The following BAHCC1 variants were observed in gnomAD, a reference collection of about 807,000 sequenced individuals.
BAHCC1 encodes the protein BAH domain and coiled-coil containing 1, also known as BAH and coiled-coil domain-containing protein 1.
Under a neutral mutation model 88.2 loss-of-function variants are expected in BAHCC1, and 43 were observed. The ratio of observed to expected loss-of-function variants is 0.49; its 90% CI spans 0.38 to 0.63. The LOEUF is 0.63. BAHCC1 is among the 20% of genes least tolerant of loss of function. BAHCC1 has a pLI of 0.00. For missense variants in BAHCC1, 3,023 were observed against 1,654.8 expected (o/e 1.83, Z -14.34); for synonymous variants, 1,510 against 745.5 (o/e 2.03, Z -16.71).
rs2064316934 is a variant in BAHCC1 at position 81,435,027 on chromosome 17, T to G, written c.359-3343T>G. 6.6e-6 allele frequency among the ~76,000 whole-genome samples: 1 copy of G among 151,878 alleles called. No homozygotes were observed. Among genetic ancestry groups the G allele is most frequent in the Non-Finnish European group, 1.5e-5 (1 of 67,922 alleles). On this transcript the variant is annotated intron_variant, in intron 3 of 27. Transcript: ENST00000675386. The surrounding 1 kb of genome is among the most constrained non-coding windows in gnomAD (Gnocchi z 4.4). ...AGGAAAGGAAGGGTCCCCTCACCCC[T>G]GGCCGTCCCCAGCCCCCATTTCTCT...
In BAHCC1 at chr17:81,411,154, T is replaced by G. The variant is rs782808369; in HGVS notation, c.178+11237T>G. 1.9e-6 allele frequency: 1 copy of G among 518,874 alleles called. No homozygotes were observed. The highest frequency in any genetic ancestry group is 1.9e-5 in the African/African-American group (1 of 51,892). The allele number at this position is 518,874 out of a possible 1,614,324, so 32.1% of individuals were successfully genotyped here. ...AGTCCATTCATCACGTGCCTGCAGG[T>G]GCCTGTGTCCTGTCTCTGCCCCAGG... On this transcript the variant is annotated intron_variant, in intron 2 of 27. Transcript: ENST00000675386. This position sits in a 1 kb window ranked among gnomAD's most constrained non-coding sequence, Gnocchi z 6.2.
chr17:81,395,829 T>C (rs919860928), intron 1 of BAHCC1, 194 bp downstream of exon 1: 11 of 151,600 alleles, frequency 7.3e-5, no homozygotes, highest in African/African-American at 9.7e-5. Context: ...TTAAAAAATA[T>C]GGACTATGAG....
rs550401384 is a variant in BAHCC1, at chr17:81,460,693, C to G, written c.6189C>G (p.Ser2063Arg). ...AGACACCTGGGAAAAAATCCATTAG[C>G]AAAGACAAAGCTGGTATTTTACCGG... The part of the protein sequence containing the change: ...ALKTPGKKSI[S>R]KDKAGKAELL... The change falls in exon 25 of 28, where the codon AGC becomes AGG. Residue 2063 changes from serine (S) to arginine (R), a missense_variant. Ser to Arg is a moderately radical substitution (Grantham distance 110, BLOSUM62 -1). Coordinates refer to ENST00000675386, the MANE Select transcript of BAHCC1 (RefSeq NM_001377448.1). 3.2e-5 allele frequency: 25 copies of G among 773,306 alleles called. 1 individual carries two copies. The highest frequency in any genetic ancestry group is 1.9e-4 in the Admixed American group (11 of 57,792). The allele number at this position is 773,306 out of a possible 1,614,324, so 47.9% of individuals were successfully genotyped here.
intron 3 of BAHCC1, among the ~76,000 whole-genome samples, chr17:81,436,395 TGGAGGCCTGGACCTCTGGAGGGGGGACC>T (rs1301928120): frequency 5.9e-5 from 9 of 152,228 alleles, no homozygotes; most frequent in Admixed American, 4.6e-4. Context: ...GCGGATGGGC[TGGAGGCCTGGACCTCTGGAGGGGGGACC>T]GGGGCTCCGT....
At chr17:81,404,793 G>A (rs67602958) in intron 2 of BAHCC1, among the ~76,000 whole-genome samples, 40,242 of 152,014 alleles carry the variant, frequency 0.26, 6,539 homozygotes, top group Middle Eastern at 0.37. Context: ...AGGCTGAGGC[G>A]TGGCAGGTAG....
chr17:81,403,747 C>T lies in BAHCC1; in HGVS notation c.178+3830C>T, dbSNP rs548788746. ...TTACTTTCCGAAGACGTCACCCGTC[C>T]CGCTCCATAAGTGACAGAGTTAGAC... On this transcript the variant is annotated intron_variant, in intron 2 of 27. Transcript: ENST00000675386. 4.6e-5 allele frequency among the ~76,000 whole-genome samples: 7 copies of T among 152,206 alleles called. No individual in the cohort carries two copies. The East Asian group carries it at 5.8e-4, about 13-fold the overall frequency.
chr17:81,457,435 C>T lies in BAHCC1; in HGVS notation c.4884C>T (p.Cys1628=), dbSNP rs782607074. The T allele has an allele frequency of 1.6e-4, 120 of 771,800 alleles. 1 individual carries two copies. The highest frequency in any genetic ancestry group is 9.0e-4 in the Middle Eastern group (4 of 4,450). The allele number at this position is 771,800 out of a possible 1,614,324, so 47.8% of individuals were successfully genotyped here. ...EAGSGYDSED[C]EGLLGTEAPP... ...GCAGTGGCTATGACAGTGAGGACTG[C>T]GAGGGTCTCCTGGGGACAGAGGCAC... The change falls in exon 17 of 28, where the codon TGC becomes TGT. Residue 1628 remains cysteine (C), a synonymous_variant. Transcript: ENST00000675386.
Position 81,461,837 on chromosome 17 carries a change from C to T in BAHCC1, c.7174C>T (p.Leu2392=). ...TCACGCGCATGCCCAGCGCTGCTTC[C>T]TGTCCAGGGCCACGGTGGCTGGCAC... The part of the protein sequence containing the change: ...GPHAHAQRCF[L]SRATVAGTGA... The change falls in exon 26 of 28, where the codon CTG becomes TTG. Residue 2392 remains leucine (L), a synonymous_variant. Transcript: ENST00000675386. The T allele has an allele frequency of 1.4e-6, 1 of 719,538 alleles. No homozygotes were observed. Among genetic ancestry groups the T allele is most frequent in the Non-Finnish European group, 2.6e-6 (1 of 386,436 alleles). 44.6% of individuals were successfully genotyped at this position (719,538 alleles called of 1,614,324 possible).
Position 81,399,605 on chromosome 17 carries a change from C to A in BAHCC1, c.-135C>A. The A allele has an allele frequency of 1.8e-6, 1 of 547,684 alleles. No individual in the cohort carries two copies. Among genetic ancestry groups the A allele is most frequent in the Non-Finnish European group, 2.8e-6 (1 of 358,168 alleles). The allele number at this position is 547,684 out of a possible 1,614,324, so 33.9% of individuals were successfully genotyped here. A position where few individuals can be genotyped will look rare whatever the true frequency, so the allele number is the denominator to read the frequency against. On this transcript the variant is annotated 5_prime_UTR_variant, in exon 2 of 28. In the 5' UTR this introduces an upstream ATG that the reference lacks. Coordinates refer to ENST00000675386, the MANE Select transcript of BAHCC1 (RefSeq NM_001377448.1). This position sits in a 1 kb window ranked among gnomAD's most constrained non-coding sequence, Gnocchi z 4.5. ...CCGAGAAGCCCAGTCCTCCCGCGTG[C>A]TGACCGGCCCCGCCGCCACCACCGC... is the stretch of plus-strand genomic sequence containing the variant.
rs375196947 is a variant in BAHCC1 at position 81,459,543 on chromosome 17, G to A, written c.5844G>A (p.Thr1948=). The A allele has an allele frequency of 7.4e-5, 58 of 779,662 alleles. No individual in the cohort carries two copies. The highest frequency in any genetic ancestry group is 4.1e-4 in the African/African-American group (24 of 59,254). The allele number at this position is 779,662 out of a possible 1,614,324, so 48.3% of individuals were successfully genotyped here. Residue 1948 remains threonine (T), a synonymous_variant, in exon 23 of 28, where the codon ACG becomes ACA. Coordinates refer to ENST00000675386, the MANE Select transcript of BAHCC1 (RefSeq NM_001377448.1). ...PQSSRYLPPG[T]RVCAYWSQKS... is the part of the protein sequence containing the mutation. ...CCAGCCGGTACCTCCCGCCCGGCAC[G>A]CGGGTCTGCGCCTACTGGAGTCAGA...
At chr17:81,419,824 C>T (rs1451153833) in intron 2 of BAHCC1, among the ~76,000 whole-genome samples, 2 of 144,528 alleles carry the variant, frequency 1.4e-5, no homozygotes. Context: ...ACCCATTTCA[C>T]AGTTTCCAGA....
rs1259615327 is a variant in BAHCC1, at chr17:81,435,460, C to T, written c.359-2910C>T. On this transcript the variant is annotated intron_variant, in intron 3 of 27. Transcript: ENST00000675386. This position sits in a 1 kb window ranked among gnomAD's most constrained non-coding sequence, Gnocchi z 4.4. ...ACCAGGCTCCGAGGGCACCAGCAGC[C>T]TGTGTCCTGACCACCTCTCTGGCGG... The T allele has an allele frequency of 2.1e-6, 1 of 470,970 alleles. No individual in the cohort carries two copies. The highest frequency in any genetic ancestry group is 4.4e-6 in the Non-Finnish European group (1 of 226,936). The allele number at this position is 470,970 out of a possible 1,614,324, so 29.2% of individuals were successfully genotyped here. A position where few individuals can be genotyped will look rare whatever the true frequency, so the allele number is the denominator to read the frequency against.
chr17:81,421,828 G>A, intron 2 of BAHCC1: 1 of 209,424 alleles, frequency 4.8e-6, no homozygotes, highest in South Asian at 4.3e-5. Flanking sequence ...AGTCCCTTGG[G>A]GGGGATGGTA....
At chr17:81,400,441 C>T (rs566736672) in intron 2 of BAHCC1, among the ~76,000 whole-genome samples, 5 of 151,782 alleles carry the variant, frequency 3.3e-5, no homozygotes, top group African/African-American at 1.2e-4. Flanking sequence ...CTATATAAAG[C>T]CTTAAAGTGT....
intron 2 of BAHCC1, among the ~76,000 whole-genome samples, chr17:81,425,096 ATAG>A (rs1243579779): frequency 1.4e-4 from 12 of 84,884 alleles, no homozygotes; most frequent in African/African-American, 3.7e-4. Flanking sequence ...GTTGGTGGTG[ATAG>A]TGGTGGGTGA....
intron 14 of BAHCC1, among the ~76,000 whole-genome samples, chr17:81,454,260 G>A (rs896292670): frequency 1.3e-4 from 20 of 152,190 alleles, no homozygotes; most frequent in Non-Finnish European, 7.3e-5. Flanking sequence ...GATCAGGTGG[G>A]ACCTGTTTTG....
At position 81,457,329 on chromosome 17, in the gene BAHCC1, A is replaced by G. The variant is rs958432651; in HGVS notation, c.4859-81A>G. On this transcript the variant is annotated intron_variant, in intron 16 of 27. Coordinates refer to ENST00000675386, the MANE Select transcript of BAHCC1 (RefSeq NM_001377448.1). ...CCACTCACAGCCCCGCCATAACCGC[A>G]TGCCCAGAGGGTCACCTCCCCCACC... is the stretch of plus-strand genomic sequence containing the variant. 4.4e-5 allele frequency: 30 copies of G among 687,638 alleles called. No individual in the cohort carries two copies. In the Admixed American group the frequency reaches 5.3e-4, roughly 12 times the overall value. The allele number at this position is 687,638 out of a possible 1,614,324, so 42.6% of individuals were successfully genotyped here.
At chr17:81,451,411 C>T (rs1218314137) in intron 11 of BAHCC1, among the ~76,000 whole-genome samples, 1 of 152,196 alleles carries the variant, frequency 6.6e-6, no homozygotes, top group Non-Finnish European at 1.5e-5. Context: ...CTGTCTTGCT[C>T]TGTGACACAG....
At chr17:81,406,146 C>T (rs905016330) in intron 2 of BAHCC1, among the ~76,000 whole-genome samples, 1 of 152,212 alleles carries the variant, frequency 6.6e-6, no homozygotes. Context: ...AGAAGCCCTC[C>T]CTCAAGACAG....
Sources: allele counts gnomAD v4.1 joint callset (sites outside exome capture counted in the v4.1 genomes callset), GRCh38; gene constraint gnomAD v4.1.1; non-coding constraint Gnocchi (gnomAD v3.1); transcripts MANE v1.5; gene names NCBI Gene and HGNC (gene_info 2026-07-23, HGNC 2026-07-21).